TXNRD3: variants seen among roughly 807,000 people sequenced by gnomAD.
The protein encoded by TXNRD3 is thioredoxin reductase 3.
Under a neutral mutation model 78.2 loss-of-function variants are expected in TXNRD3, and 68 were observed. The ratio of observed to expected loss-of-function variants is 0.87; its 90% CI spans 0.72 to 1.06. The LOEUF is 1.06. Among genes scored for constraint, TXNRD3 ranks in the 50% least tolerant of loss-of-function variants. The probability of loss-of-function intolerance (pLI) is 0.00; values close to 1 mark genes in which losing one functional copy is unlikely to be tolerated. For synonymous variants in TXNRD3, 296 were observed against 300.1 expected, an observed-to-expected ratio of 0.99 and a Z score of 0.14; for missense variants, 751 against 809.5, an observed-to-expected ratio of 0.93 and a Z score of 0.88.
In TXNRD3 at chr3:126,607,080, T is replaced by C. The variant is rs1938060166; in HGVS notation, c.*825A>G. ...TGTATTCATTTATGGAACTTTATCA[T>C]CATTAAACAGACTGTGATGGAATTA... On this transcript the variant is annotated 3_prime_UTR_variant, in exon 16 of 16. Coordinates refer to ENST00000524230, the MANE Select transcript of TXNRD3 (RefSeq NM_052883.3). 1 of 152,224 alleles carries C rather than the reference T, an allele frequency of 6.6e-6. No individual in the cohort carries two copies. Among genetic ancestry groups the C allele is most frequent in the Non-Finnish European group, 1.5e-5 (1 of 68,044 alleles). The allele number at this position is 152,224 out of a possible 1,614,324, so 9.4% of individuals were successfully genotyped here.
intron 12 of TXNRD3, among the ~76,000 whole-genome samples, chr3:126,618,049 A>G (rs1938356826): frequency 6.6e-6 from 1 of 152,212 alleles, no homozygotes; most frequent in African/African-American, 2.4e-5. Flanking sequence ...AAACTGCAAA[A>G]CACTGGTGAA....
At chr3:126,637,932 C>CTCTCTTTTTTTTTTTTT (rs1444254294) in intron 6 of TXNRD3, among the ~76,000 whole-genome samples, 1 of 60,232 alleles carries the variant, frequency 1.7e-5, no homozygotes, top group Non-Finnish European at 2.8e-5. Flanking sequence ...ATTTCTCTCT[C>CTCTCTTTTTTTTTTTTT]TTTTTTTTTT....
chr3:126,625,249 C>T (rs1354605668), intron 10 of TXNRD3: 2 of 150,206 alleles, frequency 1.3e-5, no homozygotes, highest in African/African-American at 4.9e-5. Flanking sequence ...TGGTGTGCTG[C>T]ACCCATTAAC....
chr3:126,641,703 T>C (rs1157899245), intron 6 of TXNRD3, among the ~76,000 whole-genome samples: 2 of 152,256 alleles, frequency 1.3e-5, no homozygotes, highest in African/African-American at 4.8e-5. Context: ...AAAAATGTTA[T>C]AATAACAGAT....
rs905350005 is a variant in TXNRD3 at position 126,646,180 on chromosome 3, A to G, written c.345T>C (p.Thr115=). The G allele has an allele frequency of 6.5e-7, 1 of 1,534,810 alleles. No individual in the cohort carries two copies. The highest frequency in any genetic ancestry group is 1.4e-5 in the African/African-American group (1 of 72,972). ...AAATATTGGGCACAGTTTTCTGATTAGTGATTTCTGACAGCACTTCTTGAA... is the reference window on the plus strand; with the variant it reads ...AAATATTGGGCACAGTTTTCTGATTGGTGATTTCTGACAGCACTTCTTGAA... Residue 115 remains threonine, a synonymous_variant, in exon 3 of 16, where the codon ACT becomes ACC. Coordinates refer to ENST00000524230, the MANE Select transcript of TXNRD3 (RefSeq NM_052883.3).
Position 126,616,405 on chromosome 3 carries a change from G to C in TXNRD3, c.1525-943C>G, listed in dbSNP as rs186613865. Reference sequence around the variant, plus strand: ...TGATCTCACAAGAGCCAACACATAAGCTGGCCAGAAATCTACAGAATGGCA... The same window carrying C: ...TGATCTCACAAGAGCCAACACATAACCTGGCCAGAAATCTACAGAATGGCA... On this transcript the variant is annotated intron_variant, in intron 12 of 15. Coordinates refer to ENST00000524230, the MANE Select transcript of TXNRD3 (RefSeq NM_052883.3). Among the ~76,000 whole-genome samples the C allele has an allele frequency of 4.1e-4, 63 of 152,342 alleles. No individual in the cohort carries two copies. In the East Asian group the frequency reaches 0.011, roughly 28 times the overall value.
Position 126,607,830 on chromosome 3 carries a change from G to T in TXNRD3, c.*75C>A. 7.8e-7 allele frequency: 1 copy of T among 1,274,788 alleles called. No homozygotes were observed. The highest frequency in any genetic ancestry group is 1.1e-6 in the Non-Finnish European group (1 of 929,856). 79.0% of individuals were successfully genotyped at this position (1,274,788 alleles called of 1,614,324 possible). On this transcript the variant is annotated 3_prime_UTR_variant, in exon 16 of 16. Coordinates refer to ENST00000524230, the MANE Select transcript of TXNRD3 (RefSeq NM_052883.3). ...AACAGAGCAGCTGTCATGAGCACAG[G>T]CTCATTTTATCCGAGAGCATTCTTA... is the stretch of plus-strand genomic sequence containing the variant.
chr3:126,649,856 G>A (rs1488401324), intron 1 of TXNRD3, among the ~76,000 whole-genome samples: 1 of 152,198 alleles, frequency 6.6e-6, no homozygotes, highest in Non-Finnish European at 1.5e-5. Context: ...GAGGAAAAGG[G>A]AGTAAGTGTT....
intron 13 of TXNRD3, among the ~76,000 whole-genome samples, chr3:126,611,480 T>C (rs1938198193): frequency 6.6e-6 from 1 of 152,110 alleles, no homozygotes. Context: ...GATCCTGACG[T>C]CAAAGCTGAC....
Position 126,623,587 on chromosome 3 carries a change from G to A in TXNRD3, c.1291-1047C>T, listed in dbSNP as rs116599182. Among the ~76,000 whole-genome samples the A allele has an allele frequency of 3.1e-3, 472 of 152,106 alleles. 1 individual carries two copies. The highest frequency in any genetic ancestry group is 0.011 in the African/African-American group (465 of 41,484). On this transcript the variant is annotated intron_variant, in intron 10 of 15. Transcript: ENST00000524230. ...AATTCATCATATTAACAGAATAAAGGAGAAAACAATTCAACCATCTCAATA... is the reference window on the plus strand; with the variant it reads ...AATTCATCATATTAACAGAATAAAGAAGAAAACAATTCAACCATCTCAATA...
chr3:126,609,337 GA>G, intron 14 of TXNRD3: 1 of 209,108 alleles, frequency 4.8e-6, no homozygotes, highest in Non-Finnish European at 1.0e-5. Context: ...TAAGCTTCTG[GA>G]AAAAGCAACA....
chr3:126,624,429 T>G (rs2107615679), intron 10 of TXNRD3, among the ~76,000 whole-genome samples: 1 of 152,020 alleles, frequency 6.6e-6, no homozygotes, highest in African/African-American at 2.4e-5. Context: ...TCTTTCTTTT[T>G]TTTTTTTTTG....
chr3:126,615,494 T>C (rs1026706895), intron 12 of TXNRD3, 32 bp from the exon 13 acceptor site: 8 of 1,188,766 alleles, frequency 6.7e-6, no homozygotes, highest in African/African-American at 6.2e-5. Context: ...TTGTCTTATT[T>C]TGTGAAACTT....
At chr3:126,619,026 C>G (rs913512525) in intron 12 of TXNRD3, among the ~76,000 whole-genome samples, 1 of 151,938 alleles carries the variant, frequency 6.6e-6, no homozygotes, top group Non-Finnish European at 1.5e-5. Flanking sequence ...ATACCATATC[C>G]TGGTTAGAAT....
chr3:126,618,706 C>T (rs1938371474), intron 12 of TXNRD3, among the ~76,000 whole-genome samples: 1 of 151,714 alleles, frequency 6.6e-6, no homozygotes, highest in African/African-American at 2.4e-5. Flanking sequence ...TGAAAACAGA[C>T]AAATGAGACG....
chr3:126,632,130 A>C (rs184672725), intron 7 of TXNRD3, among the ~76,000 whole-genome samples: 142 of 152,332 alleles, frequency 9.3e-4, no homozygotes, highest in Admixed American at 5.4e-3. Flanking sequence ...GAAGGAGTAG[A>C]GATTTTCAAG....
intron 3 of TXNRD3, 43 bp downstream of exon 3, chr3:126,646,068 A>G (rs1576296718): frequency 1.4e-6 from 2 of 1,416,150 alleles, no homozygotes; most frequent in East Asian, 5.1e-5. Flanking sequence ...CTTTTTTAAA[A>G]TATGAACAAA....
chr3:126,654,519 A>C (rs2107632662), intron 1 of TXNRD3, among the ~76,000 whole-genome samples: 1 of 152,310 alleles, frequency 6.6e-6, no homozygotes, highest in African/African-American at 2.4e-5. Context: ...GAGGCTCTGC[A>C]CAGGGTCCTA....
At chr3:126,630,679 A>T in intron 9 of TXNRD3, 33 bp downstream of exon 9, 2 of 1,519,976 alleles carry the variant, frequency 1.3e-6, no homozygotes, top group Non-Finnish European at 1.8e-6. Context: ...GAAAAGTTAG[A>T]GAAAAAAAAT....
Sources: gnomAD v4.1 joint callset for allele counts (sites outside exome capture counted in the v4.1 genomes callset) on GRCh38, gnomAD v4.1.1 for gene constraint, MANE v1.5 for transcripts, NCBI Gene and HGNC (gene_info 2026-07-23, HGNC 2026-07-21) for gene names.